Variants in KIF15 observed in about 807,000 individuals in gnomAD.
KIF15 encodes the protein kinesin-like protein KIF15.
Under a neutral mutation model 190.6 loss-of-function variants are expected in KIF15, and 140 were observed. That is an observed-to-expected ratio of 0.73 (90% CI 0.64 to 0.84). The LOEUF is 0.84. KIF15 is among the 40% of genes least tolerant of loss of function. The probability of loss-of-function intolerance (pLI) is 0.00; values close to 1 mark genes in which losing one functional copy is unlikely to be tolerated. For synonymous variants in KIF15, 528 were observed against 551.3 expected, an observed-to-expected ratio of 0.96 and a Z score of 0.59; for missense variants, 1,372 against 1,584.4, an observed-to-expected ratio of 0.87 and a Z score of 2.28.
At chr3:44,830,790 C>T in intron 25 of KIF15, 106 bp from the exon 26 acceptor site, 1 of 1,068,858 alleles carries the variant, frequency 9.4e-7, no homozygotes, top group Non-Finnish European at 1.3e-6. Context: ...ATTGAATTAT[C>T]TTGTGTTAAT....
chr3:44,836,920 C>T (rs961324277), intron 26 of KIF15, among the ~76,000 whole-genome samples: 7 of 152,144 alleles, frequency 4.6e-5, no homozygotes, highest in African/African-American at 1.7e-4. Flanking sequence ...TAACAGGAAA[C>T]AGGTTGTCAG....
At chr3:44,819,829 A>G (rs1377529523) in intron 20 of KIF15, among the ~76,000 whole-genome samples, 1 of 152,126 alleles carries the variant, frequency 6.6e-6, no homozygotes, top group Non-Finnish European at 1.5e-5. Context: ...TCATCTGTCT[A>G]ATATTGACAG....
At chr3:44,829,017 A>G (rs1697827826) in intron 24 of KIF15, among the ~76,000 whole-genome samples, 1 of 151,812 alleles carries the variant, frequency 6.6e-6, no homozygotes, top group Non-Finnish European at 1.5e-5. Flanking sequence ...AGTGTGGGCA[A>G]CAAGAGCGAA....
chr3:44,828,066 CTG>C (rs1169909415), intron 23 of KIF15, 146 bp from the exon 24 acceptor site: 2 of 574,000 alleles, frequency 3.5e-6, no homozygotes, highest in South Asian at 4.5e-5. Flanking sequence ...CACAAAATCA[CTG>C]TCTTTCAACC....
chr3:44,786,384 C>A lies in KIF15; in HGVS notation c.460-11C>A. On this transcript the variant is annotated splice_polypyrimidine_tract_variant and intron_variant, in intron 6 of 34. Coordinates refer to ENST00000326047, the MANE Select transcript of KIF15 (RefSeq NM_020242.3). ...AAAATAATGTATCTAAATGAGGCTT[C>A]TTTTTTACAGGCTGGAGCTGGAAAG... 2 of 1,587,736 alleles carry A rather than the reference C, an allele frequency of 1.3e-6. No homozygotes were observed. The highest frequency in any genetic ancestry group is 1.7e-6 in the Non-Finnish European group (2 of 1,164,228).
chr3:44,834,861 A>T (rs926459509), intron 26 of KIF15, among the ~76,000 whole-genome samples: 1 of 151,870 alleles, frequency 6.6e-6, no homozygotes, highest in African/African-American at 2.4e-5. Context: ...GGAACCTAGG[A>T]GGCAGAGGTT....
chr3:44,810,798 C>G, intron 16 of KIF15, 48 bp from the exon 17 acceptor site: 5 of 1,406,702 alleles, frequency 3.6e-6, no homozygotes, highest in Non-Finnish European at 3.9e-6. Context: ...TTAAATATGC[C>G]CTTTTTAAAT....
intron 6 of KIF15, among the ~76,000 whole-genome samples, chr3:44,785,144 T>G (rs919266631): frequency 1.1e-4 from 16 of 152,182 alleles, no homozygotes; most frequent in African/African-American, 3.9e-4. Context: ...GAGTTTTTAG[T>G]TTATAAAACA....
At chr3:44,802,638 G>A (rs1575613440) in intron 13 of KIF15, among the ~76,000 whole-genome samples, 176 bp from the exon 14 acceptor site, 7 of 152,274 alleles carry the variant, frequency 4.6e-5, no homozygotes, top group Admixed American at 6.5e-5. Flanking sequence ...GAGAGTTACA[G>A]GACATGCATA....
intron 22 of KIF15, 37 bp from the exon 23 acceptor site, chr3:44,827,422 G>A (rs1481966977): frequency 1.4e-6 from 2 of 1,412,468 alleles, no homozygotes; most frequent in Non-Finnish European, 2.0e-6. Flanking sequence ...TTTTCATTGA[G>A]TGAAGTCAGG....
intron 4 of KIF15, among the ~76,000 whole-genome samples, chr3:44,779,527 A>G (rs1706066411): frequency 6.6e-6 from 1 of 151,854 alleles, no homozygotes; most frequent in Non-Finnish European, 1.5e-5. Context: ...TGTTTGGACA[A>G]TAATCTATAG....
At chr3:44,769,729 A>G (rs1314391009) in intron 1 of KIF15, among the ~76,000 whole-genome samples, 1 of 152,062 alleles carries the variant, frequency 6.6e-6, no homozygotes, top group Non-Finnish European at 1.5e-5. Flanking sequence ...TGGGACCAAA[A>G]ATATGTCTCA....
At chr3:44,857,375 G>A (rs1699199847), downstream of KIF15, among the ~76,000 whole-genome samples, 1 of 152,240 alleles carries the variant, frequency 6.6e-6, no homozygotes, top group Non-Finnish European at 1.5e-5. Context: ...AAGTATTAGG[G>A]CAGCAGCAGC....
chr3:44,814,413 G>A (rs915770315), intron 19 of KIF15, among the ~76,000 whole-genome samples: 1 of 152,088 alleles, frequency 6.6e-6, no homozygotes, highest in Admixed American at 6.6e-5. Flanking sequence ...AGGCTCAAGC[G>A]ATCCTCCCAC....
intron 19 of KIF15, 71 bp from the exon 20 acceptor site, chr3:44,814,840 G>C: frequency 7.9e-7 from 1 of 1,266,082 alleles, no homozygotes; most frequent in Non-Finnish European, 1.1e-6. Flanking sequence ...CTAATTGTGG[G>C]ACTAGTACCT....
At chr3:44,808,672 G>T (rs1340455868) in intron 16 of KIF15, among the ~76,000 whole-genome samples, 1 of 148,246 alleles carries the variant, frequency 6.7e-6, no homozygotes, top group Non-Finnish European at 1.5e-5. Flanking sequence ...TCAGGGATAT[G>T]CCTTAGATCT....
At chr3:44,822,742 A>G (rs1697416485) in intron 20 of KIF15, among the ~76,000 whole-genome samples, 1 of 151,872 alleles carries the variant, frequency 6.6e-6, no homozygotes, top group Non-Finnish European at 1.5e-5. Flanking sequence ...TTCTCGCTTT[A>G]TTTCATTGAT....
chr3:44,806,011 A>G, intron 16 of KIF15, 25 bp downstream of exon 16: 1 of 1,606,276 alleles, frequency 6.2e-7, no homozygotes, highest in Non-Finnish European at 8.5e-7. Flanking sequence ...CAATACCTCC[A>G]CCTTAAATCA....
intron 7 of KIF15, among the ~76,000 whole-genome samples, chr3:44,790,702 T>C (rs1575597388): frequency 6.3e-5 from 9 of 143,596 alleles, no homozygotes; most frequent in South Asian, 4.5e-4. Context: ...TTTCTTTTTT[T>C]TTTTTTTTTT....
Sources: gnomAD v4.1 joint callset for allele counts (sites outside exome capture counted in the v4.1 genomes callset) on GRCh38, gnomAD v4.1.1 for gene constraint, MANE v1.5 for transcripts, NCBI Gene and HGNC (gene_info 2026-07-23, HGNC 2026-07-21) for gene names.